HOXA3: variants seen among roughly 807,000 people sequenced by gnomAD.
HOXA3 encodes the protein homeobox protein Hox-A3.
In HOXA3, 8 loss-of-function variants were observed where a neutral mutation model predicts 30.3. The ratio of observed to expected loss-of-function variants is 0.26; its 90% CI spans 0.15 to 0.48. The LOEUF (loss-of-function observed/expected upper bound fraction) is 0.48, where lower values mean the gene tolerates loss of function less well. Ranked by LOEUF, HOXA3 falls within the 20% of genes least tolerant of loss-of-function variation. The probability of loss-of-function intolerance (pLI) is 0.99; values close to 1 mark genes in which losing one functional copy is unlikely to be tolerated. For missense variants in HOXA3, 653 were observed against 614.4 expected, an observed-to-expected ratio of 1.06 and a Z score of -0.66; for synonymous variants, 323 against 273.1, an observed-to-expected ratio of 1.18 and a Z score of -1.80.
At chr7:27,126,284 A>G (rs1785279435) in intron 3 of HOXA3, among the ~76,000 whole-genome samples, 1 of 152,178 alleles carries the variant, frequency 6.6e-6, no homozygotes, top group South Asian at 2.1e-4. Flanking sequence ...AGTCATGCAC[A>G]ACTTGGCTCT....
intron 3 of HOXA3, chr7:27,123,127 T>C (rs576550561): frequency 6.6e-6 from 1 of 152,380 alleles, no homozygotes; most frequent in South Asian, 2.1e-4. Context: ...ACCTCACTAA[T>C]ATGTGTTCAT....
chr7:27,143,152 G>T, intron 1 of HOXA3: 1 of 1,609,432 alleles, frequency 6.2e-7, no homozygotes. Flanking sequence ...TGGCAGGGGC[G>T]TCCTCCTCGG....
intron 3 of HOXA3, among the ~76,000 whole-genome samples, chr7:27,125,173 T>C (rs1046995749): frequency 1.3e-5 from 2 of 152,254 alleles, no homozygotes; most frequent in African/African-American, 4.8e-5. Flanking sequence ...TGTGCTCTTA[T>C]TGCTCTCTAG....
At chr7:27,152,212 G>C in intron 1 of HOXA3, 76 bp downstream of exon 1, 2 of 906,720 alleles carry the variant, frequency 2.2e-6, no homozygotes, top group Non-Finnish European at 3.0e-6. Context: ...GCCTCCCTGG[G>C]TGCCCTCTCC....
At chr7:27,129,259 G>A (rs770446738) in intron 2 of HOXA3, 2 of 1,608,802 alleles carry the variant, frequency 1.2e-6, no homozygotes, top group South Asian at 1.1e-5. Flanking sequence ...GGAGGTGCTC[G>A]GGTGGGGGTG....
intron 2 of HOXA3, chr7:27,129,255 G>T: frequency 6.2e-7 from 1 of 1,605,230 alleles, no homozygotes; most frequent in Non-Finnish European, 8.5e-7. Flanking sequence ...GTGTGGAGGT[G>T]CTCGGGTGGG....
At chr7:27,142,859 T>A in intron 1 of HOXA3, 1 of 567,136 alleles carries the variant, frequency 1.8e-6, no homozygotes, top group South Asian at 2.8e-5. Context: ...CCACTATTTG[T>A]GAGCGCAGGG....
At position 27,108,253 on chromosome 7, in the gene HOXA3, C is replaced by A. The variant is rs1023423585; in HGVS notation, c.994G>T (p.Ala332Ser). The change falls in exon 6 of 6, where the codon GCA becomes TCA. Residue 332 changes from alanine to serine, a missense_variant. By Grantham distance (99) the Ala-to-Ser change is moderately conservative. This residue lies in a region of HOXA3 where 330 missense variants were observed against 274.4 expected (regional missense o/e 1.20). Transcript: ENST00000612286. The surrounding 1 kb of genome is among the most constrained non-coding windows in gnomAD (Gnocchi z 5.0). The part of the protein sequence containing the change: ...PPPPQKRYTA[A>S]GAGAGGTPDY... ...GGGGTGCCCCCTGCGCCCGCCCCTG[C>A]CGCCGTGTAGCGCTTCTGTGGGGGT... The A allele has an allele frequency of 1.3e-6, 2 of 1,518,282 alleles. No homozygotes were observed. Among genetic ancestry groups the A allele is most frequent in the Non-Finnish European group, 1.8e-6 (2 of 1,133,506 alleles). 94.1% of individuals were successfully genotyped at this position (1,518,282 alleles called of 1,614,324 possible).
intron 4 of HOXA3, among the ~76,000 whole-genome samples, chr7:27,119,881 G>T (rs1185184493): frequency 1.3e-5 from 2 of 152,148 alleles, no homozygotes; most frequent in African/African-American, 2.4e-5. Flanking sequence ...TCAATCTGTG[G>T]TGTAGCTGGA....
At chr7:27,129,697 AC>A (rs1170398538) in intron 2 of HOXA3, 12 of 1,025,390 alleles carry the variant, frequency 1.2e-5, no homozygotes, top group Non-Finnish European at 1.8e-5. Flanking sequence ...ATAACCTGAC[AC>A]CAAGTTCACG....
At chr7:27,131,715 C>A (rs187393466) in intron 2 of HOXA3, among the ~76,000 whole-genome samples, 1 of 152,290 alleles carries the variant, frequency 6.6e-6, no homozygotes, top group East Asian at 1.9e-4. Flanking sequence ...ACAATAACTT[C>A]CTATTTCAGA....
intron 4 of HOXA3, among the ~76,000 whole-genome samples, chr7:27,118,922 C>T (rs1583383898): frequency 6.6e-6 from 1 of 152,188 alleles, no homozygotes; most frequent in East Asian, 1.9e-4. Flanking sequence ...AAGGTTAAAG[C>T]ATCTCCTCCA....
At chr7:27,126,198 T>C (rs960022164) in intron 3 of HOXA3, among the ~76,000 whole-genome samples, 1 of 152,200 alleles carries the variant, frequency 6.6e-6, no homozygotes, top group Non-Finnish European at 1.5e-5. Context: ...AAGTACTTAA[T>C]TCAAACTGTG....
At chr7:27,142,155 G>C in intron 1 of HOXA3, 1 of 1,546,884 alleles carries the variant, frequency 6.5e-7, no homozygotes, top group Admixed American at 1.9e-5. Context: ...GGACAAGCTT[G>C]GGTCATGAGC....
intron 4 of HOXA3, among the ~76,000 whole-genome samples, chr7:27,114,852 ATTATAT>A: frequency 9.1e-6 from 1 of 109,302 alleles, no homozygotes; most frequent in African/African-American, 3.2e-5. Context: ...TATAATATAT[ATTATAT>A]ATATAATATA....
rs1240891291 is a variant in HOXA3, at chr7:27,114,837, A to ATATATATTATATATAT, written c.-120-4078_-120-4077insATATATATAATATATA. Among the ~76,000 whole-genome samples the ATATATATTATATATAT allele has an allele frequency of 9.6e-4, 69 of 72,248 alleles. 3 individuals carry two copies. The highest frequency in any genetic ancestry group is 8.9e-3 in the South Asian group (18 of 2,028). 47.4% of individuals were successfully genotyped at this position (72,248 alleles called of 152,430 possible). A position where few individuals can be genotyped will look rare whatever the true frequency, so the allele number is the denominator to read the frequency against. On this transcript the variant is annotated intron_variant, in intron 4 of 5. Transcript: ENST00000612286. ...CATACATATATATATAATATATATT[A>ATATATATTATATATAT]TATATATAATATATATTATATATAT...
intron 2 of HOXA3, among the ~76,000 whole-genome samples, chr7:27,139,313 C>CG (rs1785818301): frequency 6.6e-6 from 1 of 152,096 alleles, no homozygotes; most frequent in South Asian, 2.1e-4. Context: ...GTCCCGGGTG[C>CG]GGGGGAGGGG....
chr7:27,138,026 A>G (rs1461521200), intron 2 of HOXA3, among the ~76,000 whole-genome samples: 2 of 152,234 alleles, frequency 1.3e-5, no homozygotes, highest in African/African-American at 2.4e-5. Flanking sequence ...AAATGGAACC[A>G]TAACGCAATA....
chr7:27,128,827 G>T, intron 2 of HOXA3: 1 of 237,324 alleles, frequency 4.2e-6, no homozygotes, highest in Non-Finnish European at 8.3e-6. Context: ...GGAAGAGGAG[G>T]TAAGGAAGGT....
Sources: allele counts gnomAD v4.1 joint callset (sites outside exome capture counted in the v4.1 genomes callset), GRCh38; gene constraint gnomAD v4.1.1; regional missense constraint gnomAD v4.1.1; non-coding constraint Gnocchi (gnomAD v3.1); transcripts MANE v1.5; gene names NCBI Gene and HGNC (gene_info 2026-07-23, HGNC 2026-07-21).